Variants in ROBO1 observed in about 807,000 individuals in gnomAD.
The protein encoded by ROBO1 is roundabout homolog 1.
ROBO1 carries 149 observed loss-of-function variants against 195.9 expected under a neutral mutation model. The observed-to-expected ratio is 0.76, with a 90% CI of 0.67 to 0.87. The LOEUF (loss-of-function observed/expected upper bound fraction) is 0.87. Among genes scored for constraint, ROBO1 ranks in the 40% least tolerant of loss-of-function variants. The pLI is 0.00. For synonymous variants in ROBO1, 816 were observed against 733.2 expected (o/e 1.11, Z -1.82); for missense variants, 1,933 against 2,068.3 (o/e 0.93, Z 1.27).
At chr3:79,143,491 T>A (rs2108618399) in intron 2 of ROBO1, among the ~76,000 whole-genome samples, 1 of 152,196 alleles carries the variant, frequency 6.6e-6, no homozygotes. Context: ...CAGCACATTT[T>A]ATTTCACAAG....
intron 1 of ROBO1, among the ~76,000 whole-genome samples, chr3:79,739,672 G>T (rs563572748): frequency 6.6e-6 from 1 of 152,142 alleles, no homozygotes; most frequent in African/African-American, 2.4e-5. Flanking sequence ...AAGAAGCTAG[G>T]GAAAAGATTA....
chr3:79,556,184 A>G (rs1398757554), intron 2 of ROBO1, among the ~76,000 whole-genome samples: 1 of 152,086 alleles, frequency 6.6e-6, no homozygotes, highest in Admixed American at 6.6e-5. Flanking sequence ...AGAAATTTTA[A>G]TATGCAGTAT....
At chr3:78,711,440 TTTCCTTCCTTCCTTCCTTCC>T (rs138527299) in intron 8 of ROBO1, among the ~76,000 whole-genome samples, 512 of 41,686 alleles carry the variant, frequency 0.012, 33 homozygotes, top group Middle Eastern at 0.062. Flanking sequence ...TCTTTCTTTC[TTTCCTTCCTTCCTTCCTTCC>T]TTCCTTTTCT....
At chr3:78,696,695 T>C (rs1356672851) in intron 8 of ROBO1, among the ~76,000 whole-genome samples, 2 of 147,832 alleles carry the variant, frequency 1.4e-5, no homozygotes, top group African/African-American at 4.9e-5. Context: ...CATACATATA[T>C]ATATACACAT....
intron 2 of ROBO1, among the ~76,000 whole-genome samples, chr3:79,321,596 G>A (rs1220223684): frequency 6.6e-6 from 1 of 152,128 alleles, no homozygotes; most frequent in Admixed American, 6.5e-5. Context: ...TGAAGTCTGA[G>A]GTTTCCTTCT....
At chr3:79,277,090 C>A (rs540305197) in intron 2 of ROBO1, among the ~76,000 whole-genome samples, 8 of 152,042 alleles carry the variant, frequency 5.3e-5, no homozygotes, top group African/African-American at 1.9e-4. Flanking sequence ...ATAGAACTAT[C>A]ATATGATGCA....
intron 8 of ROBO1, among the ~76,000 whole-genome samples, chr3:78,696,296 TAA>T (rs2081288549): frequency 6.6e-6 from 1 of 152,190 alleles, no homozygotes; most frequent in Non-Finnish European, 1.5e-5. Flanking sequence ...CTTTTCTTGC[TAA>T]GAGAGGGGAA....
At chr3:79,504,729 ATTTG>A (rs1244249595) in intron 2 of ROBO1, among the ~76,000 whole-genome samples, 2 of 152,124 alleles carry the variant, frequency 1.3e-5, no homozygotes, top group Non-Finnish European at 2.9e-5. Flanking sequence ...TATCTCCCCA[ATTTG>A]TTTGATTTTT....
intron 2 of ROBO1, among the ~76,000 whole-genome samples, chr3:79,411,791 T>C (rs751929622): frequency 1.3e-5 from 2 of 152,144 alleles, no homozygotes; most frequent in Non-Finnish European, 2.9e-5. Flanking sequence ...TGTGAAAAAT[T>C]ATTTTTAAGT....
chr3:79,271,308 A>C (rs2030533362), intron 2 of ROBO1, among the ~76,000 whole-genome samples: 2 of 151,902 alleles, frequency 1.3e-5, no homozygotes, highest in African/African-American at 4.8e-5. Context: ...TGTCTGTTTT[A>C]TTATAACCAC....
At chr3:79,044,376 T>A (rs902496242) in intron 3 of ROBO1, among the ~76,000 whole-genome samples, 1 of 152,140 alleles carries the variant, frequency 6.6e-6, no homozygotes, top group Admixed American at 6.6e-5. Context: ...TCATCTTATA[T>A]CCATTCCTTG....
intron 3 of ROBO1, among the ~76,000 whole-genome samples, chr3:79,035,474 C>G (rs915683822): frequency 1.3e-5 from 2 of 152,078 alleles, no homozygotes; most frequent in African/African-American, 4.8e-5. Context: ...AATCCCGGCA[C>G]TTTGGGAGGC....
At chr3:79,032,808 CTT>C (rs1278295687) in intron 3 of ROBO1, among the ~76,000 whole-genome samples, 2 of 152,046 alleles carry the variant, frequency 1.3e-5, no homozygotes, top group Admixed American at 6.5e-5. Flanking sequence ...TAGCAGGTCT[CTT>C]TAATTTATGT....
At chr3:79,636,572 T>C (rs557978760) in intron 1 of ROBO1, among the ~76,000 whole-genome samples, 9 of 152,254 alleles carry the variant, frequency 5.9e-5, no homozygotes, top group Admixed American at 5.2e-4. Context: ...CCCCTCACCA[T>C]TCCTTTACTC....
intron 2 of ROBO1, among the ~76,000 whole-genome samples, chr3:79,297,651 A>G (rs2109047940): frequency 6.6e-6 from 1 of 152,266 alleles, no homozygotes; most frequent in South Asian, 2.1e-4. Flanking sequence ...GAAATGAAAA[A>G]TGGATGCTTC....
At chr3:78,776,739 T>C (rs1275223974) in intron 4 of ROBO1, among the ~76,000 whole-genome samples, 2 of 152,234 alleles carry the variant, frequency 1.3e-5, no homozygotes, top group Non-Finnish European at 2.9e-5. Context: ...AGAGACACTA[T>C]GGTCAGACTG....
chr3:78,657,008 A>C, intron 18 of ROBO1, 90 bp downstream of exon 18: 1 of 1,237,258 alleles, frequency 8.1e-7, no homozygotes, highest in East Asian at 2.6e-5. Context: ...TAAATTAGCA[A>C]TGGTGGGTGG....
chr3:78,679,251 T>C (rs1310593406), intron 10 of ROBO1, among the ~76,000 whole-genome samples: 2 of 152,006 alleles, frequency 1.3e-5, no homozygotes, highest in Non-Finnish European at 2.9e-5. Context: ...AAGCATTCCC[T>C]TTGAAAACTG....
At chr3:79,484,445 T>C (rs935133052) in intron 2 of ROBO1, among the ~76,000 whole-genome samples, 1 of 152,136 alleles carries the variant, frequency 6.6e-6, no homozygotes, top group Admixed American at 6.6e-5. Context: ...CTCACTATAA[T>C]AACAAAGCTT....
Sources: allele counts gnomAD v4.1 joint callset (sites outside exome capture counted in the v4.1 genomes callset), GRCh38; gene constraint gnomAD v4.1.1; transcripts MANE v1.5; gene names NCBI Gene and HGNC (gene_info 2026-07-23, HGNC 2026-07-21).